ATP8B4: variants seen among roughly 807,000 people sequenced by gnomAD.
The protein encoded by ATP8B4 is probable phospholipid-transporting ATPase IM.
A neutral mutation model predicts 145.6 loss-of-function variants in ATP8B4; 133 were observed. The ratio of observed to expected loss-of-function variants is 0.91; its 90% CI spans 0.79 to 1.05. The LOEUF (loss-of-function observed/expected upper bound fraction) is 1.05, where lower values mean the gene tolerates loss of function less well. Ranked by LOEUF, ATP8B4 falls within the 50% of genes least tolerant of loss-of-function variation. ATP8B4 has a pLI of 0.00. For missense variants in ATP8B4, 1,458 were observed against 1,425.2 expected (o/e 1.02, Z -0.37); for synonymous variants, 507 against 492.9 (o/e 1.03, Z -0.38).
At chr15:49,863,720 C>G (rs1028708345) in intron 26 of ATP8B4, among the ~76,000 whole-genome samples, 1 of 152,086 alleles carries the variant, frequency 6.6e-6, no homozygotes, top group African/African-American at 2.4e-5. Flanking sequence ...TTAAATGTCT[C>G]TTTGAGCTCC....
intron 25 of ATP8B4, among the ~76,000 whole-genome samples, chr15:49,868,850 GAAAAT>G (rs1170194370): frequency 6.6e-6 from 1 of 152,142 alleles, no homozygotes; most frequent in African/African-American, 2.4e-5. Flanking sequence ...AAATAACTAT[GAAAAT>G]AAAGAGAAAT....
chr15:50,126,796 T>C (rs566495239), intron 1 of ATP8B4, among the ~76,000 whole-genome samples: 8 of 152,208 alleles, frequency 5.3e-5, no homozygotes, highest in East Asian at 1.9e-4. Flanking sequence ...AGAGTCCCAA[T>C]AGAAACTAAA....
At chr15:49,909,133 C>A (rs1385926330) in intron 20 of ATP8B4, among the ~76,000 whole-genome samples, 3 of 152,130 alleles carry the variant, frequency 2.0e-5, no homozygotes, top group Non-Finnish European at 4.4e-5. Flanking sequence ...CTGGCTTTGA[C>A]CGCACTCCAT....
intron 1 of ATP8B4, among the ~76,000 whole-genome samples, chr15:50,148,167 A>G (rs2044303117): frequency 1.3e-5 from 2 of 152,146 alleles, no homozygotes; most frequent in Admixed American, 6.5e-5. Context: ...ATGAGGAAAC[A>G]TCACATAAAC....
chr15:49,935,280 A>G (rs1449352585), intron 14 of ATP8B4, among the ~76,000 whole-genome samples: 1 of 152,160 alleles, frequency 6.6e-6, no homozygotes, highest in Non-Finnish European at 1.5e-5. Flanking sequence ...AATCTTCCGA[A>G]CAATGATGTG....
chr15:49,974,320 C>T (rs2045472619), intron 12 of ATP8B4, among the ~76,000 whole-genome samples: 1 of 151,770 alleles, frequency 6.6e-6, no homozygotes, highest in South Asian at 2.1e-4. Flanking sequence ...GAACTACTGC[C>T]CTCAGGTGAT....
chr15:50,177,873 T>C (rs758061711), intron 1 of ATP8B4, among the ~76,000 whole-genome samples: 1 of 152,148 alleles, frequency 6.6e-6, no homozygotes. Flanking sequence ...AACTACTTCA[T>C]CTCCATAAAG....
chr15:49,987,859 CAAAT>C (rs1227644912), intron 9 of ATP8B4, among the ~76,000 whole-genome samples: 2 of 152,014 alleles, frequency 1.3e-5, no homozygotes, highest in Non-Finnish European at 2.9e-5. Context: ...CGGTTTGTAA[CAAAT>C]AATTTTTGAA....
chr15:50,103,309 T>C (rs1373866244), intron 2 of ATP8B4, among the ~76,000 whole-genome samples: 4 of 152,184 alleles, frequency 2.6e-5, no homozygotes, highest in Non-Finnish European at 5.9e-5. Context: ...AAACTGTTGC[T>C]GTTTGCTGAT....
chr15:49,906,416 G>T (rs1455330948), intron 20 of ATP8B4, among the ~76,000 whole-genome samples: 1 of 152,168 alleles, frequency 6.6e-6, no homozygotes, highest in African/African-American at 2.4e-5. Context: ...TCCACGTAAT[G>T]ACAGTTGTGT....
At chr15:49,917,574 G>A (rs903729554) in intron 19 of ATP8B4, among the ~76,000 whole-genome samples, 1 of 152,022 alleles carries the variant, frequency 6.6e-6, no homozygotes, top group African/African-American at 2.4e-5. Flanking sequence ...ATGGAAATTT[G>A]GAATTTGACT....
At chr15:49,938,781 C>T (rs2041936122) in intron 14 of ATP8B4, among the ~76,000 whole-genome samples, 1 of 152,082 alleles carries the variant, frequency 6.6e-6, no homozygotes, top group South Asian at 2.1e-4. Context: ...ACATAATACT[C>T]TACCCATCAA....
intron 12 of ATP8B4, among the ~76,000 whole-genome samples, chr15:49,979,116 C>T (rs1037131946): frequency 2.0e-5 from 3 of 151,982 alleles, no homozygotes; most frequent in South Asian, 2.1e-4. Context: ...CTCATACAAT[C>T]GTATGAGGTA....
intron 2 of ATP8B4, among the ~76,000 whole-genome samples, chr15:50,087,562 T>C (rs2055302443): frequency 6.6e-6 from 1 of 151,498 alleles, no homozygotes; most frequent in South Asian, 2.1e-4. Context: ...CATATTTTTC[T>C]TTTTTCATGG....
At chr15:49,937,594 A>T (rs1480904424) in intron 14 of ATP8B4, among the ~76,000 whole-genome samples, 1 of 152,162 alleles carries the variant, frequency 6.6e-6, no homozygotes, top group Non-Finnish European at 1.5e-5. Flanking sequence ...GGGATTCAGA[A>T]ATGAACAAAA....
At chr15:50,138,317 GATA>G (rs1567402905) in intron 1 of ATP8B4, among the ~76,000 whole-genome samples, 5 of 132,812 alleles carry the variant, frequency 3.8e-5, no homozygotes, top group African/African-American at 1.4e-4. Context: ...TATATAGATA[GATA>G]GATAGGTAGA....
In ATP8B4 at chr15:49,934,481, A is replaced by G. The variant is rs78269024; in HGVS notation, c.1288-299T>C. Among the ~76,000 whole-genome samples, 422 of 152,186 alleles carry G rather than the reference A, an allele frequency of 2.8e-3. 2 individuals are homozygous for G. Among genetic ancestry groups the G allele is most frequent in the African/African-American group, 9.8e-3 (406 of 41,548 alleles). On this transcript the variant is annotated intron_variant, in intron 14 of 27. Transcript: ENST00000284509. ...CTTCAAAATACAAAAAACCACAGAA[A>G]ATGCAAAGTTTTTTCAAAACCTACT...
intron 19 of ATP8B4, 85 bp from the exon 20 acceptor site, chr15:49,917,124 G>T (rs2039818840): frequency 3.8e-6 from 5 of 1,326,394 alleles, no homozygotes; most frequent in East Asian, 2.3e-5. Context: ...GGGCTTAGCT[G>T]TATTTTCTTA....
intron 14 of ATP8B4, among the ~76,000 whole-genome samples, chr15:49,952,000 T>C (rs138224296): frequency 2.9e-3 from 444 of 152,294 alleles, no homozygotes; most frequent in Middle Eastern, 6.8e-3. Context: ...TTCTTTTCTT[T>C]AAGAATGTTG....
Sources: gnomAD v4.1 joint callset for allele counts (sites outside exome capture counted in the v4.1 genomes callset) on GRCh38, gnomAD v4.1.1 for gene constraint, MANE v1.5 for transcripts, NCBI Gene and HGNC (gene_info 2026-07-23, HGNC 2026-07-21) for gene names.